Variants in NFIC observed in about 807,000 individuals in gnomAD.
NFIC encodes the protein nuclear factor 1 C-type.
In NFIC, 12 loss-of-function variants were observed where a neutral mutation model predicts 54.4. The ratio of observed to expected loss-of-function variants is 0.22; its 90% CI spans 0.14 to 0.36. The LOEUF is 0.36. Ranked by LOEUF, NFIC falls within the 10% of genes least tolerant of loss-of-function variation. The pLI is 1.00. For synonymous variants in NFIC, 322 were observed against 319.2 expected, an observed-to-expected ratio of 1.01 and a Z score of -0.09; for missense variants, 575 against 718.2, an observed-to-expected ratio of 0.80 and a Z score of 2.28.
intron 2 of NFIC, among the ~76,000 whole-genome samples, chr19:3,395,474 C>T (rs919288758): frequency 6.9e-6 from 1 of 144,486 alleles, no homozygotes; most frequent in South Asian, 2.2e-4. Flanking sequence ...GGATTACAGG[C>T]GCATACCACC....
chr19:3,378,061 A>G (rs552121825), intron 1 of NFIC, among the ~76,000 whole-genome samples: 50 of 151,986 alleles, frequency 3.3e-4, no homozygotes, highest in Non-Finnish European at 4.6e-4. Context: ...CCTGGCCAAC[A>G]TGGTGAAACC....
At chr19:3,454,725 C>G (rs2082525314) in intron 9 of NFIC, among the ~76,000 whole-genome samples, 1 of 151,678 alleles carries the variant, frequency 6.6e-6, no homozygotes, top group Non-Finnish European at 1.5e-5. Context: ...CCCCTCACCC[C>G]CCTTTTTGAG....
At chr19:3,445,174 T>TGCAC (rs1334597268) in intron 6 of NFIC, among the ~76,000 whole-genome samples, 1 of 151,826 alleles carries the variant, frequency 6.6e-6, no homozygotes, top group Admixed American at 6.6e-5. Context: ...CACACATACA[T>TGCAC]GCACGCACAC....
intron 2 of NFIC, among the ~76,000 whole-genome samples, chr19:3,406,414 A>G (rs1196711693): frequency 3.2e-5 from 4 of 124,444 alleles, no homozygotes; most frequent in African/African-American, 1.3e-4. Context: ...TTTTTGTAGA[A>G]ATAGGGTCTC....
intron 2 of NFIC, among the ~76,000 whole-genome samples, chr19:3,408,649 T>C (rs2081696696): frequency 6.6e-6 from 1 of 151,948 alleles, no homozygotes; most frequent in African/African-American, 2.4e-5. Context: ...TGAGACGGAG[T>C]CTCACTCTGT....
At chr19:3,401,744 CAG>C (rs1256095151) in intron 2 of NFIC, among the ~76,000 whole-genome samples, 2 of 150,184 alleles carry the variant, frequency 1.3e-5, no homozygotes, top group African/African-American at 2.5e-5. Flanking sequence ...TTTTTTTAGA[CAG>C]AGTCTCGCTC....
rs1339626831 is a variant in NFIC at position 3,375,458 on chromosome 19, C to T, written c.31-6254C>T. ...ACCGGCTGTGTGACCCTGGACAAAC[C>T]ACTCCCCATCTCTGGGTCTCATCCA... On this transcript the variant is annotated intron_variant, in intron 1 of 10. Coordinates refer to ENST00000443272, the MANE Select transcript of NFIC (RefSeq NM_001245002.2). The surrounding 1 kb of genome is among the most constrained non-coding windows in gnomAD (Gnocchi z 4.6). Among the ~76,000 whole-genome samples, 12 of 152,212 alleles carry T rather than the reference C, an allele frequency of 7.9e-5. No homozygotes were observed. The highest frequency in any genetic ancestry group is 7.9e-4 in the Admixed American group (12 of 15,278).
Position 3,429,477 on chromosome 19 carries a change from G to A in NFIC, c.635-4041G>A, listed in dbSNP as rs2082088095. Among the ~76,000 whole-genome samples the A allele has an allele frequency of 3.3e-5, 5 of 152,106 alleles. No homozygotes were observed. The South Asian group carries it at 1.0e-3, about 32-fold the overall frequency. On this transcript the variant is annotated intron_variant, in intron 3 of 10. Transcript: ENST00000443272. Reference sequence around the variant, plus strand: ...GTGGTGATGCGTGCCTGTAGTCCCAGCTACTTGGGAGGCTGAGGCAGGAGC... The same window carrying A: ...GTGGTGATGCGTGCCTGTAGTCCCAACTACTTGGGAGGCTGAGGCAGGAGC...
chr19:3,382,180 C>T lies in NFIC; in HGVS notation c.499C>T (p.His167Tyr), dbSNP rs1185839386. 6.2e-7 allele frequency: 1 copy of T among 1,611,906 alleles called. No individual in the cohort carries two copies. The highest frequency in any genetic ancestry group is 8.5e-7 in the Non-Finnish European group (1 of 1,179,920). Reference protein sequence around the residue: ...CGHPVLCVQPHHIGVAVKELD... With the variant: ...CGHPVLCVQPYHIGVAVKELD... ...TCACCCGGTCCTGTGCGTGCAGCCGCACCACATTGGCGTGGCCGTCAAGGA... is the reference window on the plus strand; with the variant it reads ...TCACCCGGTCCTGTGCGTGCAGCCGTACCACATTGGCGTGGCCGTCAAGGA... The change falls in exon 2 of 11, where the codon CAC (histidine) becomes TAC (tyrosine). Residue 167 changes from histidine (H) to tyrosine (Y), a missense_variant. His to Tyr is a moderately conservative substitution (Grantham distance 83). This residue lies in a region of NFIC where 447 missense variants were observed against 526.9 expected (regional missense o/e 0.85). Transcript: ENST00000443272.
chr19:3,433,424 C>T (rs1037144340), intron 3 of NFIC, 94 bp from the exon 4 acceptor site: 3 of 1,347,774 alleles, frequency 2.2e-6, no homozygotes, highest in South Asian at 1.2e-5. Context: ...CGTCCAGGCT[C>T]GGGCCAGCCC....
At chr19:3,371,981 C>T (rs1229921505) in intron 1 of NFIC, among the ~76,000 whole-genome samples, 4 of 67,364 alleles carry the variant, frequency 5.9e-5, no homozygotes, top group Non-Finnish European at 1.1e-4. Context: ...CTCTTTCTCT[C>T]TCTCTCCCTC....
At chr19:3,394,140 G>C (rs2081419919) in intron 2 of NFIC, among the ~76,000 whole-genome samples, 1 of 151,760 alleles carries the variant, frequency 6.6e-6, no homozygotes, top group Non-Finnish European at 1.5e-5. Context: ...TTAACCCAGG[G>C]CATCTGGAAT....
rs1440153641 is a variant in NFIC, at chr19:3,396,490, A to G, written c.562+14247A>G. 4.0e-5 allele frequency among the ~76,000 whole-genome samples: 6 copies of G among 151,568 alleles called. No homozygotes were observed. The East Asian group carries it at 1.2e-3, about 29-fold the overall frequency. On this transcript the variant is annotated intron_variant, in intron 2 of 10. Coordinates refer to ENST00000443272, the MANE Select transcript of NFIC (RefSeq NM_001245002.2). ...CCGTCTCAAAAAAAAAAAAAAAAAA[A>G]AGTGTGTGTTTCCAAGAGGCTGTTA...
chr19:3,378,780 G>A (rs764228960), intron 1 of NFIC, among the ~76,000 whole-genome samples: 1 of 152,154 alleles, frequency 6.6e-6, no homozygotes, highest in Non-Finnish European at 1.5e-5. Flanking sequence ...CCCCAGTTCT[G>A]AACCTTTGTG....
At chr19:3,456,707 G>T (rs117299764) in intron 10 of NFIC, 72 bp downstream of exon 10, 2 of 1,311,868 alleles carry the variant, frequency 1.5e-6, no homozygotes. Flanking sequence ...GGCTCAGGGC[G>T]AAGAGGGCCT....
At chr19:3,407,534 G>A (rs910715797) in intron 2 of NFIC, among the ~76,000 whole-genome samples, 24 of 151,454 alleles carry the variant, frequency 1.6e-4, no homozygotes, top group Non-Finnish European at 2.8e-4. Flanking sequence ...TCCCGGGTTC[G>A]AGCAATTCTC....
chr19:3,431,322 G>A (rs937740571), intron 3 of NFIC, among the ~76,000 whole-genome samples: 2 of 145,484 alleles, frequency 1.4e-5, no homozygotes, highest in East Asian at 4.1e-4. Context: ...CCACTACTGC[G>A]CCCAGCCCAA....
Position 3,453,267 on chromosome 19 carries a change from G to A in NFIC, c.1270-496G>A, listed in dbSNP as rs2082496944. On this transcript the variant is annotated intron_variant, in intron 8 of 10. Coordinates refer to ENST00000443272, the MANE Select transcript of NFIC (RefSeq NM_001245002.2). The surrounding 1 kb of genome is among the most constrained non-coding windows in gnomAD (Gnocchi z 6.7). ...AAGAAAAAAAAGGTTGGGGGGCGGG[G>A]GGCAGGAAGACATTGATTACAAAAA... Among the ~76,000 whole-genome samples the A allele has an allele frequency of 6.6e-6, 1 of 151,990 alleles. No individual in the cohort carries two copies. Among genetic ancestry groups the A allele is most frequent in the South Asian group, 2.1e-4 (1 of 4,828 alleles).
At chr19:3,387,699 C>G (rs1397415700) in intron 2 of NFIC, among the ~76,000 whole-genome samples, 2 of 151,138 alleles carry the variant, frequency 1.3e-5, no homozygotes, top group East Asian at 2.0e-4. Flanking sequence ...ATAGCCAGTG[C>G]GAAGGCCTGG....
Sources: allele counts gnomAD v4.1 joint callset (sites outside exome capture counted in the v4.1 genomes callset), GRCh38; gene constraint gnomAD v4.1.1; regional missense constraint gnomAD v4.1.1; non-coding constraint Gnocchi (gnomAD v3.1); transcripts MANE v1.5; gene names NCBI Gene and HGNC (gene_info 2026-07-23, HGNC 2026-07-21).